Variants in PARD6G observed in about 807,000 individuals in gnomAD.
PARD6G encodes par-6 family cell polarity regulator gamma, also known as partitioning defective 6 homolog gamma.
PARD6G carries 7 observed loss-of-function variants against 10.7 expected under a neutral mutation model. That is an observed-to-expected ratio of 0.66 (90% CI 0.37 to 1.23). The LOEUF is 1.23. Ranked by LOEUF, PARD6G falls within the 50% of genes most tolerant of loss-of-function variation. The pLI is 0.02. For missense variants in PARD6G, 548 were observed against 571.8 expected (o/e 0.96, Z 0.42); for synonymous variants, 287 against 269.4 (o/e 1.07, Z -0.64).
intron 1 of PARD6G, among the ~76,000 whole-genome samples, chr18:80,227,820 C>T (rs181492509): frequency 2.0e-5 from 3 of 152,306 alleles, no homozygotes; most frequent in Admixed American, 1.3e-4. Context: ...ACCCCATTCA[C>T]GAGAGGGCAA....
rs1169666793 is a variant in PARD6G, at chr18:80,246,228, C to T, written c.72+1049G>A. 1.3e-5 allele frequency among the ~76,000 whole-genome samples: 2 copies of T among 152,310 alleles called. No individual in the cohort carries two copies. The highest frequency in any genetic ancestry group is 6.8e-3 in the Middle Eastern group (2 of 292). ...AGAAAGAAAGGGCGAAAGGGCCGCT[C>T]AACTCCCAGAGAGTAGCCAGCGAAA... On this transcript the variant is annotated intron_variant, in intron 1 of 2. Coordinates refer to ENST00000353265, the MANE Select transcript of PARD6G (RefSeq NM_032510.4). The surrounding 1 kb of genome is among the most constrained non-coding windows in gnomAD (Gnocchi z 6.7).
chr18:80,159,660 C>G lies in PARD6G; in HGVS notation c.*111G>C, dbSNP rs934146009. 1.5e-6 allele frequency: 2 copies of G among 1,299,388 alleles called. No individual in the cohort carries two copies. Among genetic ancestry groups the G allele is most frequent in the Non-Finnish European group, 2.0e-6 (2 of 1,018,668 alleles). 80.5% of individuals were successfully genotyped at this position (1,299,388 alleles called of 1,614,324 possible). On this transcript the variant is annotated 3_prime_UTR_variant, in exon 3 of 3. Coordinates refer to ENST00000353265, the MANE Select transcript of PARD6G (RefSeq NM_032510.4). ...ATCCGGAAGTTGAAACAAAGAGCAG[C>G]GTTGTTTTTGTGGTCACAAAAACAA...
At chr18:80,167,831 T>G (rs1441863737) in intron 2 of PARD6G, among the ~76,000 whole-genome samples, 1 of 152,072 alleles carries the variant, frequency 6.6e-6, no homozygotes, top group Non-Finnish European at 1.5e-5. Flanking sequence ...GGGGTGCAGC[T>G]CAAGGACACT....
intron 2 of PARD6G, among the ~76,000 whole-genome samples, chr18:80,187,071 T>C (rs1189664713): frequency 6.7e-6 from 1 of 149,160 alleles, no homozygotes; most frequent in East Asian, 2.0e-4. Flanking sequence ...CACTCCAGCC[T>C]GGGGGACAGA....
Position 80,229,242 on chromosome 18 carries a change from G to A in PARD6G, c.72+18035C>T, listed in dbSNP as rs528667630. ...TGTGAGCCACCACAATTGGCCAGAA[G>A]TGGTATTTGAAAAGGATTTAAGGGC... is the stretch of plus-strand genomic sequence containing the variant. On this transcript the variant is annotated intron_variant, in intron 1 of 2. Coordinates refer to ENST00000353265, the MANE Select transcript of PARD6G (RefSeq NM_032510.4). Among the ~76,000 whole-genome samples the A allele has an allele frequency of 8.5e-5, 13 of 152,324 alleles. No individual in the cohort carries two copies. The South Asian group carries it at 2.5e-3, about 29-fold the overall frequency.
chr18:80,206,515 C>T (rs1967055586), intron 1 of PARD6G, among the ~76,000 whole-genome samples: 1 of 152,152 alleles, frequency 6.6e-6, no homozygotes, highest in Non-Finnish European at 1.5e-5. Context: ...CAAGTAGTTT[C>T]CAATTACTTG....
rs368599600 is a variant in PARD6G at position 80,185,837 on chromosome 18, C to T, written c.295+16873G>A. Among the ~76,000 whole-genome samples, 12 of 148,400 alleles carry T rather than the reference C, an allele frequency of 8.1e-5. No homozygotes were observed. The East Asian group carries it at 1.0e-3, about 13-fold the overall frequency. On this transcript the variant is annotated intron_variant, in intron 2 of 2. Transcript: ENST00000353265. Reference sequence around the variant, plus strand: ...TGACATGCTCGCACACCCTCACACACGCATGCACCCACACAGGCACCCTCT... The same window carrying T: ...TGACATGCTCGCACACCCTCACACATGCATGCACCCACACAGGCACCCTCT...
chr18:80,160,385 A>G lies in PARD6G; in HGVS notation c.517T>C (p.Tyr173His), dbSNP rs773861744. The change falls in exon 3 of 3, where the codon TAC (tyrosine) becomes CAC (histidine). Residue 173 changes from tyrosine to histidine, a missense_variant. By Grantham distance (83) the Tyr-to-His change is moderately conservative (BLOSUM62 2). Transcript: ENST00000353265. Reference protein sequence around the residue: ...RHGCEKPLGFYIRDGASVRVT... With the variant: ...RHGCEKPLGFHIRDGASVRVT... Reference sequence around the variant, plus strand: ...CGCACGCTGGCGCCATCGCGGATGTAGAAGCCCAGCGGCTTCTCGCAGCCG... The same window carrying G: ...CGCACGCTGGCGCCATCGCGGATGTGGAAGCCCAGCGGCTTCTCGCAGCCG... The G allele has an allele frequency of 1.4e-5, 22 of 1,608,496 alleles. No individual in the cohort carries two copies. Among genetic ancestry groups the G allele is most frequent in the Non-Finnish European group, 1.7e-5 (20 of 1,178,336 alleles).
In PARD6G at chr18:80,179,663, C is replaced by T. The variant is rs183828571; in HGVS notation, c.296-19057G>A. Among the ~76,000 whole-genome samples, 3 of 152,366 alleles carry T rather than the reference C, an allele frequency of 2.0e-5. No homozygotes were observed. The East Asian group carries it at 5.8e-4, about 29-fold the overall frequency. ...GTTTCACAACGGTGTGGTCTCACTG[C>T]TGCCCCTGGCCACTGCCTGTGCCTT... is the stretch of plus-strand genomic sequence containing the variant. On this transcript the variant is annotated intron_variant, in intron 2 of 2. Transcript: ENST00000353265.
At chr18:80,190,130 C>T (rs949077701) in intron 2 of PARD6G, among the ~76,000 whole-genome samples, 2 of 152,196 alleles carry the variant, frequency 1.3e-5, no homozygotes, top group African/African-American at 4.8e-5. Flanking sequence ...CTTAATCTCT[C>T]CTTTTATTAT....
In PARD6G at chr18:80,188,602, GTCTC is replaced by G. The variant is rs755164679; in HGVS notation, c.295+14104_295+14107del. 1.4e-4 allele frequency among the ~76,000 whole-genome samples: 21 copies of G among 152,204 alleles called. No homozygotes were observed. The highest frequency in any genetic ancestry group is 2.6e-4 in the Non-Finnish European group (18 of 68,038). On this transcript the variant is annotated intron_variant, in intron 2 of 2. Coordinates refer to ENST00000353265, the MANE Select transcript of PARD6G (RefSeq NM_032510.4). The surrounding 1 kb of genome is among the most constrained non-coding windows in gnomAD (Gnocchi z 5.4). ...GGATGCCCAGTTCGCCAGAGGAAGG[GTCTC>G]TCTGTTTCCCCACCTATTGCTCTTG...
rs183534340 is a variant in PARD6G, at chr18:80,221,607, G to A, written c.73-18675C>T. On this transcript the variant is annotated intron_variant, in intron 1 of 2. Transcript: ENST00000353265. Reference sequence around the variant, plus strand: ...ACTCACCGCTAACATCATACTTAATGGTTAAAAGACAATGATTTTCCCCGA... The same window carrying A: ...ACTCACCGCTAACATCATACTTAATAGTTAAAAGACAATGATTTTCCCCGA... 2.9e-4 allele frequency among the ~76,000 whole-genome samples: 44 copies of A among 151,318 alleles called. No homozygotes were observed. The East Asian group carries it at 8.2e-3, about 28-fold the overall frequency.
intron 2 of PARD6G, among the ~76,000 whole-genome samples, chr18:80,163,681 G>A (rs1285829472): frequency 1.3e-5 from 2 of 152,206 alleles, no homozygotes; most frequent in African/African-American, 4.8e-5. Context: ...CTCAAGCCCA[G>A]AACTGTAGGA....
chr18:80,162,553 C>T (rs2052707647), intron 2 of PARD6G: 1 of 169,282 alleles, frequency 5.9e-6, no homozygotes, highest in African/African-American at 2.4e-5. Context: ...CCCGGCCTCT[C>T]TGCACCTCAT....
intron 1 of PARD6G, among the ~76,000 whole-genome samples, chr18:80,240,347 C>A (rs1364912075): frequency 1.3e-5 from 2 of 152,192 alleles, no homozygotes; most frequent in African/African-American, 4.8e-5. Flanking sequence ...TCCCTTTCCT[C>A]AAAAAGTAAT....
At chr18:80,214,003 T>C (rs149279312) in intron 1 of PARD6G, among the ~76,000 whole-genome samples, 128 of 143,362 alleles carry the variant, frequency 8.9e-4, no homozygotes, top group African/African-American at 3.2e-3. Context: ...ACAAAGAAAC[T>C]GAAATAAAAA....
Position 80,159,600 on chromosome 18 carries a change from A to C in PARD6G, c.*171T>G. 1 of 1,126,152 alleles carries C rather than the reference A, an allele frequency of 8.9e-7. No individual in the cohort carries two copies. Among genetic ancestry groups the C allele is most frequent in the Non-Finnish European group, 1.1e-6 (1 of 875,542 alleles). The allele number at this position is 1,126,152 out of a possible 1,614,324, so 69.8% of individuals were successfully genotyped here. A position where few individuals can be genotyped will look rare whatever the true frequency, so the allele number is the denominator to read the frequency against. Reference sequence around the variant, plus strand: ...GCGTTCATTTTAAGTTCTGTGGCGAAATTCTATAAAAATAGGCAATACTTG... The same window carrying C: ...GCGTTCATTTTAAGTTCTGTGGCGACATTCTATAAAAATAGGCAATACTTG... On this transcript the variant is annotated 3_prime_UTR_variant, in exon 3 of 3. Coordinates refer to ENST00000353265, the MANE Select transcript of PARD6G (RefSeq NM_032510.4).
chr18:80,209,048 C>T (rs1156559740), intron 1 of PARD6G, among the ~76,000 whole-genome samples: 4 of 151,514 alleles, frequency 2.6e-5, no homozygotes, highest in Non-Finnish European at 4.4e-5. Context: ...TGCAGTGAGC[C>T]AAGATTGCAC....
At chr18:80,210,537 A>G (rs981239046) in intron 1 of PARD6G, among the ~76,000 whole-genome samples, 1 of 152,166 alleles carries the variant, frequency 6.6e-6, no homozygotes, top group Non-Finnish European at 1.5e-5. Flanking sequence ...GCTCCAGGAA[A>G]AGCCCTTCTC....
Sources: allele counts gnomAD v4.1 joint callset (sites outside exome capture counted in the v4.1 genomes callset), GRCh38; gene constraint gnomAD v4.1.1; non-coding constraint Gnocchi (gnomAD v3.1); transcripts MANE v1.5; gene names NCBI Gene and HGNC (gene_info 2026-07-23, HGNC 2026-07-21).